The following AUTS2 variants were observed in gnomAD, a reference collection of about 807,000 sequenced individuals.
The protein encoded by AUTS2 is activator of transcription and developmental regulator AUTS2.
A neutral mutation model predicts 112.4 loss-of-function variants in AUTS2; 17 were observed. The ratio of observed to expected loss-of-function variants is 0.15; its 90% confidence interval spans 0.10 to 0.23. The LOEUF (loss-of-function observed/expected upper bound fraction) is 0.23. Ranked by LOEUF, AUTS2 falls within the 10% of genes least tolerant of loss-of-function variation. The pLI is 1.00. For synonymous variants in AUTS2, 751 were observed against 702.7 expected (o/e 1.07, Z -1.09); for missense variants, 1,510 against 1,701.6 (o/e 0.89, Z 1.98).
At chr7:70,586,275 T>C (rs1802685383) in intron 5 of AUTS2, among the ~76,000 whole-genome samples, 1 of 152,000 alleles carries the variant, frequency 6.6e-6, no homozygotes, top group Non-Finnish European at 1.5e-5. Context: ...AATTGGTGAG[T>C]GTGTACCCTG....
chr7:69,713,411 C>T (rs963971279), intron 1 of AUTS2, among the ~76,000 whole-genome samples: 1 of 151,992 alleles, frequency 6.6e-6, no homozygotes, highest in Non-Finnish European at 1.5e-5. Context: ...CTCTTATGTT[C>T]CCCTGCTTTC....
chr7:70,369,547 G>T (rs1392744429), intron 4 of AUTS2, among the ~76,000 whole-genome samples: 1 of 152,166 alleles, frequency 6.6e-6, no homozygotes, highest in African/African-American at 2.4e-5. Context: ...AGGGCCAATG[G>T]TGGGAGTGAA....
rs527876473 is a variant in AUTS2, at chr7:69,965,513, C to T, written c.522+66015C>T. 6.6e-5 allele frequency among the ~76,000 whole-genome samples: 10 copies of T among 152,232 alleles called. No homozygotes were observed. The East Asian group carries it at 1.5e-3, about 24-fold the overall frequency. On this transcript the variant is annotated intron_variant, in intron 2 of 18. Transcript: ENST00000342771. ...TGCTAATGAGGGGAGAAGTTCAATACGCTATAGATGCCCCCAACCCAGACT... is the reference window on the plus strand; with the variant it reads ...TGCTAATGAGGGGAGAAGTTCAATATGCTATAGATGCCCCCAACCCAGACT...
chr7:70,171,533 T>A (rs1228930612), intron 4 of AUTS2, among the ~76,000 whole-genome samples: 1 of 152,184 alleles, frequency 6.6e-6, no homozygotes, highest in African/African-American at 2.4e-5. Context: ...TCAGTGCAAT[T>A]TTCATAAACT....
At chr7:70,262,525 T>C (rs1486678100) in intron 4 of AUTS2, among the ~76,000 whole-genome samples, 1 of 152,198 alleles carries the variant, frequency 6.6e-6, no homozygotes, top group Non-Finnish European at 1.5e-5. Context: ...GTTTTATATA[T>C]CAAAGTAAAG....
At chr7:70,032,993 A>C (rs1800848653) in intron 2 of AUTS2, among the ~76,000 whole-genome samples, 2 of 152,156 alleles carry the variant, frequency 1.3e-5, no homozygotes, top group Non-Finnish European at 2.9e-5. Context: ...ATCTGTAGAG[A>C]TGGAAAGTTG....
chr7:70,005,171 A>C (rs1481591305), intron 2 of AUTS2, among the ~76,000 whole-genome samples: 1 of 152,092 alleles, frequency 6.6e-6, no homozygotes. Context: ...GGAATTCTCT[A>C]GGAAGCACAT....
chr7:70,374,958 C>T lies in AUTS2; in HGVS notation c.661-60794C>T, dbSNP rs1042932449. ...ACCCAGTAGAAAGGCTGCAGTAGCA[C>T]AGCAGCACTTGGGACAGCTGCTCCA... is the stretch of plus-strand genomic sequence containing the variant. On this transcript the variant is annotated intron_variant, in intron 4 of 18. Coordinates refer to ENST00000342771, the MANE Select transcript of AUTS2 (RefSeq NM_015570.4). Among the ~76,000 whole-genome samples the T allele has an allele frequency of 2.0e-5, 3 of 152,306 alleles. No homozygotes were observed. The East Asian group carries it at 5.8e-4, about 29-fold the overall frequency.
At chr7:69,822,671 T>G (rs958650291) in intron 1 of AUTS2, among the ~76,000 whole-genome samples, 2 of 152,214 alleles carry the variant, frequency 1.3e-5, no homozygotes, top group African/African-American at 4.8e-5. Flanking sequence ...TCAAAGAGTT[T>G]AAGAGTTTTA....
At chr7:70,232,431 T>C (rs1036699191) in intron 4 of AUTS2, among the ~76,000 whole-genome samples, 2 of 150,830 alleles carry the variant, frequency 1.3e-5, no homozygotes, top group African/African-American at 4.9e-5. Context: ...AGAGACAGAG[T>C]CCCACTCTGT....
intron 2 of AUTS2, among the ~76,000 whole-genome samples, chr7:70,058,044 A>T (rs1802071758): frequency 6.6e-6 from 1 of 152,216 alleles, no homozygotes. Context: ...AGCTAAGTAA[A>T]CACATGTTTC....
Position 69,680,761 on chromosome 7 carries a change from C to T in AUTS2, c.309+80799C>T, listed in dbSNP as rs572182186. 5.3e-4 allele frequency among the ~76,000 whole-genome samples: 81 copies of T among 152,274 alleles called. 1 individual carries two copies. The highest frequency in any genetic ancestry group is 1.8e-3 in the African/African-American group (76 of 41,560). ...TTCGGCTCACTGCAGCATCCATCCC[C>T]CAGGTTCAAGTGATTCTCCTGCCTC... On this transcript the variant is annotated intron_variant, in intron 1 of 18. Transcript: ENST00000342771.
intron 4 of AUTS2, among the ~76,000 whole-genome samples, chr7:70,362,841 A>C (rs1051996392): frequency 6.6e-6 from 1 of 152,216 alleles, no homozygotes; most frequent in Non-Finnish European, 1.5e-5. Context: ...TGTGCAAGGC[A>C]TGAACACCTG....
chr7:69,803,470 C>T (rs899565260), intron 1 of AUTS2, among the ~76,000 whole-genome samples: 2 of 151,966 alleles, frequency 1.3e-5, no homozygotes, highest in African/African-American at 4.8e-5. Context: ...GGTTTCTCTC[C>T]TCTGTTTCCT....
chr7:69,714,249 A>ATGTGTG (rs200192496), intron 1 of AUTS2, among the ~76,000 whole-genome samples: 11,238 of 92,380 alleles, frequency 0.12, 479 homozygotes, highest in Non-Finnish European at 0.15. Flanking sequence ...GTGTGTGTAT[A>ATGTGTG]TGTGTGTGTG....
intron 4 of AUTS2, among the ~76,000 whole-genome samples, chr7:70,216,116 T>C (rs2129589901): frequency 6.6e-6 from 1 of 152,344 alleles, no homozygotes; most frequent in South Asian, 2.1e-4. Context: ...TGTAGATTTT[T>C]CTACTCTGTA....
intron 4 of AUTS2, among the ~76,000 whole-genome samples, chr7:70,394,079 T>G (rs2129864938): frequency 6.6e-6 from 1 of 152,350 alleles, no homozygotes; most frequent in South Asian, 2.1e-4. Context: ...TTTGGAAGGC[T>G]GGCTATTTTC....
chr7:70,129,564 A>AT (rs1806161762), intron 3 of AUTS2, among the ~76,000 whole-genome samples: 6 of 152,222 alleles, frequency 3.9e-5, no homozygotes, highest in Admixed American at 3.9e-4. Flanking sequence ...ACAGGGGGAC[A>AT]TTGCTCAATC....
At chr7:70,254,149 G>A (rs1424989690) in intron 4 of AUTS2, among the ~76,000 whole-genome samples, 1 of 152,096 alleles carries the variant, frequency 6.6e-6, no homozygotes, top group East Asian at 1.9e-4. Context: ...TTCAGTGGAA[G>A]TATCAGTCTT....
Sources: gnomAD v4.1 joint callset for allele counts (sites outside exome capture counted in the v4.1 genomes callset) on GRCh38, gnomAD v4.1.1 for gene constraint, MANE v1.5 for transcripts, NCBI Gene and HGNC (gene_info 2026-07-23, HGNC 2026-07-21) for gene names.